MS4A7: variants seen among roughly 807,000 people sequenced by gnomAD.
The protein encoded by MS4A7 is membrane spanning 4-domains A7.
In MS4A7, 21 loss-of-function variants were observed where a neutral mutation model predicts 23.5. The observed-to-expected ratio is 0.89, with a 90% CI of 0.63 to 1.29. The LOEUF (loss-of-function observed/expected upper bound fraction) is 1.29. Ranked by LOEUF, MS4A7 falls within the 50% of genes most tolerant of loss-of-function variation. The pLI is 0.00. For missense variants in MS4A7, 263 were observed against 274.2 expected (o/e 0.96, Z 0.29); for synonymous variants, 111 against 107.4 (o/e 1.03, Z -0.21).
intron 1 of MS4A7, among the ~76,000 whole-genome samples, chr11:60,379,480 T>C (rs995261553): frequency 1.3e-5 from 2 of 152,240 alleles, no homozygotes; most frequent in African/African-American, 4.8e-5. Context: ...TAGTAAAATA[T>C]GCTTAAAATA....
rs1277952326 is a variant in MS4A7, at chr11:60,389,581, C to T, written c.531C>T (p.Thr177=). ...ATGAAATCAAAGATTGTCTCCTGACCAGTGTCAGTTTAACAGTGAGTAGTT... is the reference window on the plus strand; with the variant it reads ...ATGAAATCAAAGATTGTCTCCTGACTAGTGTCAGTTTAACAGTGAGTAGTT... The part of the protein sequence containing the change: ...PIYEIKDCLL[T]SVSLTGVLVV... The change falls in exon 5 of 7, where the codon ACC becomes ACT. Residue 177 remains threonine (T), a synonymous_variant. Coordinates refer to ENST00000300184, the MANE Select transcript of MS4A7 (RefSeq NM_021201.5). 1 of 1,613,512 alleles carries T rather than the reference C, an allele frequency of 6.2e-7. No homozygotes were observed. The highest frequency in any genetic ancestry group is 1.7e-5 in the Admixed American group (1 of 60,024).
rs1270160951 is a variant in MS4A7, at chr11:60,393,885, G to A, written c.*24G>A. 5.2e-6 allele frequency: 8 copies of A among 1,529,100 alleles called. No individual in the cohort carries two copies. The highest frequency in any genetic ancestry group is 7.2e-6 in the Non-Finnish European group (8 of 1,117,176). The allele number at this position is 1,529,100 out of a possible 1,614,324, so 94.7% of individuals were successfully genotyped here. A position where few individuals can be genotyped will look rare whatever the true frequency, so the allele number is the denominator to read the frequency against. On this transcript the variant is annotated 3_prime_UTR_variant, in exon 7 of 7. Coordinates refer to ENST00000300184, the MANE Select transcript of MS4A7 (RefSeq NM_021201.5). ...AAGTAACTCTTGGCCTCAGAGGAAG[G>A]AAAAGCAACTCAACACTCATGGTCA...
chr11:60,393,429 G>A (rs2085575154), intron 6 of MS4A7, among the ~76,000 whole-genome samples: 1 of 152,138 alleles, frequency 6.6e-6, no homozygotes, highest in African/African-American at 2.4e-5. Flanking sequence ...AATGTGATGA[G>A]ACTTTACTAG....
At position 60,395,271 on chromosome 11, in the gene MS4A7, G is replaced by A. The variant is rs1047057293; in HGVS notation, c.*1410G>A. ...CAATTATGGAAATTCCAGTGTGGCT[G>A]CAGTTTAACTTTGCACTCTCTATGC... On this transcript the variant is annotated 3_prime_UTR_variant, in exon 7 of 7. Coordinates refer to ENST00000300184, the MANE Select transcript of MS4A7 (RefSeq NM_021201.5). The A allele has an allele frequency of 8.3e-5, 19 of 228,530 alleles. No individual in the cohort carries two copies. Among genetic ancestry groups the A allele is most frequent in the African/African-American group, 3.8e-4 (17 of 44,276 alleles). The allele number at this position is 228,530 out of a possible 1,614,324, so 14.2% of individuals were successfully genotyped here. A position where few individuals can be genotyped will look rare whatever the true frequency, so the allele number is the denominator to read the frequency against.
At chr11:60,391,600 T>A (rs2085551027) in intron 5 of MS4A7, among the ~76,000 whole-genome samples, 1 of 152,204 alleles carries the variant, frequency 6.6e-6, no homozygotes, top group Non-Finnish European at 1.5e-5. Context: ...AAATACATTT[T>A]AAATCATTAA....
Position 60,386,721 on chromosome 11 carries a change from G to C in MS4A7, c.287G>C (p.Gly96Ala). The stretch of plus-strand genomic sequence containing the variant: ...ATTTCTCTCTCTTCTGGGCAGTTTG[G>C]CATTACTGGATCCCTCTCAATTATC... ...GYPFLGALCF[G>A]ITGSLSIISG... The change falls in exon 4 of 7, where the codon GGC becomes GCC. Residue 96 changes from glycine to alanine, a missense_variant. Physicochemically the swap from Gly to Ala is moderately conservative, Grantham distance 60 (BLOSUM62 0). Coordinates refer to ENST00000300184, the MANE Select transcript of MS4A7 (RefSeq NM_021201.5). The C allele has an allele frequency of 6.2e-7, 1 of 1,612,646 alleles. No homozygotes were observed. The highest frequency in any genetic ancestry group is 1.1e-5 in the South Asian group (1 of 90,956).
intron 2 of MS4A7, chr11:60,383,525 CTTATT>C: frequency 3.9e-6 from 1 of 254,808 alleles, no homozygotes. Flanking sequence ...GTTAGTCTTT[CTTATT>C]TTATTTATTT....
At chr11:60,391,917 TAAA>T (rs34933885) in intron 5 of MS4A7, among the ~76,000 whole-genome samples, 4 of 119,046 alleles carry the variant, frequency 3.4e-5, no homozygotes, top group South Asian at 2.6e-4. Context: ...AGACCCTGTC[TAAA>T]AAAAAAAAAA....
chr11:60,392,385 T>C (rs1467587407), intron 5 of MS4A7, among the ~76,000 whole-genome samples: 3 of 151,994 alleles, frequency 2.0e-5, no homozygotes, highest in African/African-American at 7.3e-5. Context: ...CACCTAGAAA[T>C]ATCATCATGA....
chr11:60,381,776 C>G (rs2085431271), intron 1 of MS4A7, among the ~76,000 whole-genome samples: 1 of 152,122 alleles, frequency 6.6e-6, no homozygotes, highest in African/African-American at 2.4e-5. Flanking sequence ...GTGAAAATAC[C>G]TTGCCCAGGG....
At chr11:60,380,650 T>A (rs2085418884) in intron 1 of MS4A7, among the ~76,000 whole-genome samples, 1 of 152,148 alleles carries the variant, frequency 6.6e-6, no homozygotes, top group African/African-American at 2.4e-5. Flanking sequence ...TGACGAAGAC[T>A]AGTAGGAAGG....
At chr11:60,381,183 CTT>C (rs1326514767) in intron 1 of MS4A7, among the ~76,000 whole-genome samples, 1 of 152,200 alleles carries the variant, frequency 6.6e-6, no homozygotes, top group African/African-American at 2.4e-5. Flanking sequence ...AAGCCTGACA[CTT>C]TTTCTCCTTC....
chr11:60,378,657 G>A lies in MS4A7; in HGVS notation c.-21G>A, dbSNP rs984303801. On this transcript the variant is annotated 5_prime_UTR_variant, in exon 1 of 7. Transcript: ENST00000300184. ...GCCACAGCACACAGGACCAGGCTGC[G>A]AGAACAGGTAGACACCTTGGTTTAG... The A allele has an allele frequency of 1.3e-5, 2 of 152,272 alleles. No homozygotes were observed. The highest frequency in any genetic ancestry group is 2.4e-5 in the African/African-American group (1 of 41,460). 9.4% of individuals were successfully genotyped at this position (152,272 alleles called of 1,614,324 possible). A position where few individuals can be genotyped will look rare whatever the true frequency, so the allele number is the denominator to read the frequency against.
intron 2 of MS4A7, 108 bp from the exon 3 acceptor site, chr11:60,384,980 A>T: frequency 1.9e-6 from 2 of 1,059,098 alleles, no homozygotes; most frequent in Non-Finnish European, 2.7e-6. Flanking sequence ...TCTTTAATAT[A>T]ACAAATTATA....
intron 4 of MS4A7, among the ~76,000 whole-genome samples, chr11:60,387,795 A>T (rs1488337795): frequency 1.3e-5 from 2 of 152,214 alleles, no homozygotes; most frequent in East Asian, 3.8e-4. Context: ...TACTTAAAAG[A>T]GCGGCTTCAG....
intron 4 of MS4A7, among the ~76,000 whole-genome samples, chr11:60,387,108 C>T (rs2085500117): frequency 6.6e-6 from 1 of 152,206 alleles, no homozygotes; most frequent in South Asian, 2.1e-4. Context: ...ATAAGGTAGC[C>T]ACCCATCCCA....
chr11:60,393,901 C>G lies in MS4A7; in HGVS notation c.*40C>G, dbSNP rs764634638. 7.3e-7 allele frequency: 1 copy of G among 1,374,854 alleles called. No individual in the cohort carries two copies. Among genetic ancestry groups the G allele is most frequent in the Non-Finnish European group, 1.0e-6 (1 of 982,404 alleles). 85.2% of individuals were successfully genotyped at this position (1,374,854 alleles called of 1,614,324 possible). A position where few individuals can be genotyped will look rare whatever the true frequency, so the allele number is the denominator to read the frequency against. Reference sequence around the variant, plus strand: ...CAGAGGAAGGAAAAGCAACTCAACACTCATGGTCAAGTGTGATTAGACTTT... The same window carrying G: ...CAGAGGAAGGAAAAGCAACTCAACAGTCATGGTCAAGTGTGATTAGACTTT... On this transcript the variant is annotated 3_prime_UTR_variant, in exon 7 of 7. Coordinates refer to ENST00000300184, the MANE Select transcript of MS4A7 (RefSeq NM_021201.5).
intron 1 of MS4A7, among the ~76,000 whole-genome samples, chr11:60,382,601 C>T (rs527849984): frequency 5.3e-5 from 8 of 152,294 alleles, no homozygotes; most frequent in South Asian, 2.1e-4. Flanking sequence ...AGGAAGATTC[C>T]GGATGGGACA....
Position 60,395,868 on chromosome 11 carries a change from A to G in MS4A7, c.*2007A>G, listed in dbSNP as rs2085611852. On this transcript the variant is annotated 3_prime_UTR_variant, in exon 7 of 7. Coordinates refer to ENST00000300184, the MANE Select transcript of MS4A7 (RefSeq NM_021201.5). Reference sequence around the variant, plus strand: ...TAATCATTTTGGAATGTATATGTATATCAAAACATGTAGTACACCCTAAAT... The same window carrying G: ...TAATCATTTTGGAATGTATATGTATGTCAAAACATGTAGTACACCCTAAAT... The G allele has an allele frequency of 6.6e-6, 1 of 152,204 alleles. No individual in the cohort carries two copies. Among genetic ancestry groups the G allele is most frequent in the African/African-American group, 2.4e-5 (1 of 41,446 alleles). The allele number at this position is 152,204 out of a possible 1,614,324, so 9.4% of individuals were successfully genotyped here.
Sources: allele counts gnomAD v4.1 joint callset (sites outside exome capture counted in the v4.1 genomes callset), GRCh38; gene constraint gnomAD v4.1.1; transcripts MANE v1.5; gene names NCBI Gene and HGNC (gene_info 2026-07-23, HGNC 2026-07-21).